Variants in NME7 observed in about 807,000 individuals in gnomAD.
NME7 encodes the protein NME/NM23 family member 7, also known as nucleoside diphosphate kinase 7.
In NME7, 41 loss-of-function variants were observed where a neutral mutation model predicts 49.1. That is an observed-to-expected ratio of 0.83 (90% confidence interval 0.65 to 1.08). The LOEUF (loss-of-function observed/expected upper bound fraction) is 1.08, where lower values mean the gene tolerates loss of function less well. NME7 is among the 50% of genes least tolerant of loss of function. The pLI, the probability that NME7 is intolerant of heterozygous loss-of-function variation, is 0.00. For synonymous variants in NME7, 139 were observed against 150.6 expected, an observed-to-expected ratio of 0.92 and a Z score of 0.56; for missense variants, 423 against 463.4, an observed-to-expected ratio of 0.91 and a Z score of 0.80.
intron 11 of NME7, 103 bp downstream of exon 11, chr1:169,169,344 T>A (rs1407904088): frequency 3.1e-6 from 3 of 967,882 alleles, no homozygotes; most frequent in Non-Finnish European, 3.2e-6. Flanking sequence ...AACCTAGAAC[T>A]TGAAGTATAA....
At chr1:169,143,273 C>CTTTTTTTTTTTTTTT (rs71299493) in intron 11 of NME7, among the ~76,000 whole-genome samples, 3 of 98,178 alleles carry the variant, frequency 3.1e-5, no homozygotes, top group Non-Finnish European at 6.3e-5. Flanking sequence ...TCACCTCAGG[C>CTTTTTTTTTTTTTTT]TTTTTTTTTT....
intron 11 of NME7, among the ~76,000 whole-genome samples, chr1:169,155,757 G>A (rs973400009): frequency 7.6e-6 from 1 of 131,148 alleles, no homozygotes; most frequent in Non-Finnish European, 1.6e-5. Flanking sequence ...TTTTATTACT[G>A]TTTAGTTTTT....
chr1:169,279,407 C>A (rs35091267), intron 7 of NME7, among the ~76,000 whole-genome samples: 36,556 of 152,008 alleles, frequency 0.24, 5,382 homozygotes, highest in Non-Finnish European at 0.34. Flanking sequence ...ATCCCCTCCC[C>A]CAGCCTTGCT....
chr1:169,201,165 A>G (rs1660538335), intron 10 of NME7, among the ~76,000 whole-genome samples: 1 of 152,150 alleles, frequency 6.6e-6, no homozygotes, highest in Non-Finnish European at 1.5e-5. Flanking sequence ...TAGGAGGTAG[A>G]GGCTGTAGCA....
At position 169,237,646 on chromosome 1, in the gene NME7, A is replaced by G. The variant is rs771450000; in HGVS notation, c.796T>C (p.Phe266Leu). 75 of 1,611,338 alleles carry G rather than the reference A, an allele frequency of 4.7e-5. No individual in the cohort carries two copies. Among genetic ancestry groups the G allele is most frequent in the Non-Finnish European group, 6.0e-5 (71 of 1,178,200 alleles). The stretch of plus-strand genomic sequence containing the variant: ...ACCATCTGCATAGCTGAGATTTCAA[A>G]ACCTGCATCTCGGATAGCCATCAGG... ...KILMAIRDAG[F>L]EISAMQMFNM... is the part of the protein sequence containing the mutation. Residue 266 changes from phenylalanine to leucine, a missense_variant, in exon 8 of 12, where the codon TTT becomes CTT. By Grantham distance (22) the Phe-to-Leu change is conservative (BLOSUM62 0). Transcript: ENST00000367811.
At chr1:169,277,818 C>T (rs1252713462) in intron 7 of NME7, among the ~76,000 whole-genome samples, 21 of 133,930 alleles carry the variant, frequency 1.6e-4, no homozygotes, top group African/African-American at 5.4e-4. Flanking sequence ...TTTGCAGCGG[C>T]TGGTACCAGT....
At chr1:169,312,984 G>A (rs1283356896) in intron 3 of NME7, among the ~76,000 whole-genome samples, 2 of 151,988 alleles carry the variant, frequency 1.3e-5, no homozygotes, top group Non-Finnish European at 2.9e-5. Context: ...TTGTTTACAA[G>A]CATAAAGTGT....
chr1:169,267,448 C>G lies in NME7; in HGVS notation c.754+19855G>C, dbSNP rs927859769. 7.5e-5 allele frequency among the ~76,000 whole-genome samples: 10 copies of G among 133,488 alleles called. 2 individuals carry two copies. The East Asian group carries it at 1.4e-3, about 19-fold the overall frequency. 87.6% of individuals were successfully genotyped at this position (133,488 alleles called of 152,430 possible). ...ATGTTCATATTGAACCAAAAAAGAG[C>G]CTGAATTGCCAAGGGAACCCTAAGC... On this transcript the variant is annotated intron_variant, in intron 7 of 11. Transcript: ENST00000367811.
intron 10 of NME7, among the ~76,000 whole-genome samples, chr1:169,170,904 C>A (rs560473666): frequency 6.6e-6 from 1 of 151,596 alleles, no homozygotes; most frequent in South Asian, 2.1e-4. Context: ...CCAGCCTGGA[C>A]GACAGATCAG....
At chr1:169,309,512 T>C (rs2101919656) in intron 4 of NME7, among the ~76,000 whole-genome samples, 1 of 152,314 alleles carries the variant, frequency 6.6e-6, no homozygotes. Flanking sequence ...AAAGCAGCAC[T>C]GCGATTCACC....
At chr1:169,250,921 T>C (rs1026036286) in intron 7 of NME7, among the ~76,000 whole-genome samples, 1 of 152,138 alleles carries the variant, frequency 6.6e-6, no homozygotes, top group Non-Finnish European at 1.5e-5. Flanking sequence ...GAATGTTCTG[T>C]GTGCTGATTA....
At chr1:169,344,942 G>C (rs1652904868) in intron 1 of NME7, among the ~76,000 whole-genome samples, 1 of 152,160 alleles carries the variant, frequency 6.6e-6, no homozygotes, top group Non-Finnish European at 1.5e-5. Context: ...ATGTTGAATA[G>C]AATTCATGAG....
chr1:169,191,003 A>G lies in NME7; in HGVS notation c.991-21449T>C, dbSNP rs961738811. 1.5e-4 allele frequency among the ~76,000 whole-genome samples: 18 copies of G among 117,874 alleles called. 2 individuals carry two copies. The highest frequency in any genetic ancestry group is 4.9e-4 in the African/African-American group (17 of 34,570). 77.3% of individuals were successfully genotyped at this position (117,874 alleles called of 152,430 possible). A position where few individuals can be genotyped will look rare whatever the true frequency, so the allele number is the denominator to read the frequency against. On this transcript the variant is annotated intron_variant, in intron 10 of 11. Coordinates refer to ENST00000367811, the MANE Select transcript of NME7 (RefSeq NM_013330.5). ...AATTTTTTGTATTTTTAGTAGAGAC[A>G]GGGTTTCACCGTTTTAGCCGGGATG...
chr1:169,301,242 AC>A (rs1372508967), intron 5 of NME7, among the ~76,000 whole-genome samples: 2 of 152,058 alleles, frequency 1.3e-5, no homozygotes, highest in African/African-American at 4.8e-5. Context: ...GCATGAAACA[AC>A]CCCACTAAAA....
chr1:169,260,482 T>C (rs570738564), intron 7 of NME7, among the ~76,000 whole-genome samples: 1 of 133,082 alleles, frequency 7.5e-6, no homozygotes, highest in Admixed American at 7.4e-5. Flanking sequence ...CATGCTACTT[T>C]GGGTTTTCAT....
chr1:169,361,195 G>A (rs766804526), intron 1 of NME7, among the ~76,000 whole-genome samples: 2 of 151,962 alleles, frequency 1.3e-5, no homozygotes, highest in Non-Finnish European at 2.9e-5. Context: ...GGCAGAAAAA[G>A]GAAAGCAAAA....
intron 6 of NME7, among the ~76,000 whole-genome samples, chr1:169,291,782 A>G (rs1226891975): frequency 6.6e-6 from 1 of 152,166 alleles, no homozygotes; most frequent in Non-Finnish European, 1.5e-5. Flanking sequence ...CTGAAGGCTC[A>G]GATGATTGTT....
intron 11 of NME7, among the ~76,000 whole-genome samples, chr1:169,163,327 C>G (rs756942002): frequency 6.6e-6 from 1 of 151,706 alleles, no homozygotes; most frequent in Non-Finnish European, 1.5e-5. Context: ...GTATGCCATA[C>G]AGCAAAATAA....
intron 5 of NME7, chr1:169,302,110 G>A (rs1650964023): frequency 7.1e-6 from 1 of 141,046 alleles, no homozygotes; most frequent in African/African-American, 2.5e-5. Context: ...CAGATATGCT[G>A]GCAAGTCTGT....
Sources: allele counts gnomAD v4.1 joint callset (sites outside exome capture counted in the v4.1 genomes callset), GRCh38; gene constraint gnomAD v4.1.1; transcripts MANE v1.5; gene names NCBI Gene and HGNC (gene_info 2026-07-23, HGNC 2026-07-21).